The following VSIG1 variants were observed in gnomAD, a reference collection of about 807,000 sequenced individuals.
VSIG1 encodes V-set and immunoglobulin domain-containing protein 1.
A neutral mutation model predicts 20.1 loss-of-function variants in VSIG1; 11 were observed. The observed-to-expected ratio is 0.55, with a 90% CI of 0.34 to 0.91. VSIG1 has a LOEUF of 0.91. VSIG1 is among the 40% of genes least tolerant of loss of function. The pLI is 0.02. For synonymous variants in VSIG1, 126 were observed against 116.7 expected, an observed-to-expected ratio of 1.08 and a Z score of -0.52; for missense variants, 283 against 298.8, an observed-to-expected ratio of 0.95 and a Z score of 0.39.
Position 108,054,205 on chromosome X carries a change from T to A in VSIG1, c.50-3833T>A, listed in dbSNP as rs755841219. On this transcript the variant is annotated intron_variant, in intron 1 of 6. Transcript: ENST00000217957. ...CATTACCTAATGATAAATGGATCAA[T>A]CCAGCAGGAGGATACAATGATCCTT... is the stretch of plus-strand genomic sequence containing the variant. Among the ~76,000 whole-genome samples the A allele has an allele frequency of 7.1e-5, 8 of 111,889 alleles. No individual in the cohort carries two copies. The South Asian group carries it at 3.0e-3, about 42-fold the overall frequency.
chrX:108,073,477 G>T, intron 5 of VSIG1, 108 bp downstream of exon 5: 1 of 955,624 alleles, frequency 1.0e-6, no homozygotes. Flanking sequence ...TGCTTCTCTG[G>T]AGATTTGTGT....
At chrX:108,069,634 C>T (rs1221050455) in intron 3 of VSIG1, among the ~76,000 whole-genome samples, 1 of 111,376 alleles carries the variant, frequency 9.0e-6, no homozygotes, top group African/African-American at 3.3e-5. Flanking sequence ...TTTTGTTACC[C>T]AGCAGTGAGC....
intron 1 of VSIG1, 147 bp downstream of exon 1, chrX:108,045,326 G>T: frequency 2.4e-6 from 1 of 417,775 alleles, no homozygotes; most frequent in Non-Finnish European, 3.9e-6. Context: ...CAGAACTCTT[G>T]CTTAGCAAAC....
chrX:108,044,292 A>G (rs2030525912), upstream of VSIG1, among the ~76,000 whole-genome samples: 1 of 111,805 alleles, frequency 8.9e-6, no homozygotes, highest in African/African-American at 3.3e-5. Flanking sequence ...TCATGTTCCC[A>G]TGAAAGTTCC....
chrX:108,025,663 A>C, the VSIG1 span, among the ~76,000 whole-genome samples: 2 of 112,927 alleles, frequency 1.8e-5, no homozygotes, highest in Non-Finnish European at 1.9e-5. Context: ...AATAATGTAC[A>C]TATTCACTTA....
At chrX:108,072,170 CT>C (rs2031261024) in intron 3 of VSIG1, among the ~76,000 whole-genome samples, 1 of 110,231 alleles carries the variant, frequency 9.1e-6, no homozygotes, top group East Asian at 2.9e-4. Flanking sequence ...TTAATGGCCT[CT>C]TGACTAGAAG....
the VSIG1 span, among the ~76,000 whole-genome samples, chrX:108,020,105 A>G: frequency 8.9e-6 from 1 of 112,311 alleles, no homozygotes; most frequent in Admixed American, 9.4e-5. Flanking sequence ...GGTTTTTCCT[A>G]GTGGAGGAGG....
intron 5 of VSIG1, among the ~76,000 whole-genome samples, chrX:108,075,339 G>A (rs906269119): frequency 8.9e-6 from 1 of 112,150 alleles, no homozygotes; most frequent in South Asian, 3.7e-4. Flanking sequence ...GGAAGGAGTC[G>A]GGCAGGGAAC....
intron 1 of VSIG1, among the ~76,000 whole-genome samples, chrX:108,050,101 G>A (rs2030751254): frequency 8.9e-6 from 1 of 112,530 alleles, no homozygotes; most frequent in African/African-American, 3.2e-5. Flanking sequence ...TGGACCAGGT[G>A]ACCTGGCTGT....
At chrX:108,026,869 G>A in the VSIG1 span, among the ~76,000 whole-genome samples, 5 of 111,547 alleles carry the variant, frequency 4.5e-5, no homozygotes, top group Non-Finnish European at 9.4e-5. Context: ...AACTAGCTGC[G>A]TTAAGATTAT....
chrX:108,025,891 A>T, the VSIG1 span, among the ~76,000 whole-genome samples: 1 of 112,281 alleles, frequency 8.9e-6, no homozygotes, highest in Non-Finnish European at 1.9e-5. Context: ...TACATATTCA[A>T]ATCCTTGCGA....
chrX:108,050,816 G>A (rs915836150), intron 1 of VSIG1, among the ~76,000 whole-genome samples: 1 of 111,657 alleles, frequency 9.0e-6, no homozygotes, highest in Non-Finnish European at 1.9e-5. Context: ...TCCCTGCTAA[G>A]CACAAGTATA....
In VSIG1 at chrX:108,058,192, G is replaced by A; in HGVS notation, c.204G>A (p.Glu68=). ...QWSFFHKKEM[E]PISIYFSQGG... is the part of the protein sequence containing the mutation. ...CTTTCTTCCATAAGAAGGAGATGGA[G>A]CCAATTTCTGTAAGGACACTTTTTC... The change falls in exon 2 of 7, where the codon GAG becomes GAA. Residue 68 remains glutamate, a synonymous_variant. Transcript: ENST00000217957. 1 of 1,204,359 alleles carries A rather than the reference G, an allele frequency of 8.3e-7. No homozygotes were observed. The highest frequency in any genetic ancestry group is 3.0e-5 in the East Asian group (1 of 33,448).
At chrX:108,068,125 T>C (rs971123023) in intron 3 of VSIG1, among the ~76,000 whole-genome samples, 1 of 112,266 alleles carries the variant, frequency 8.9e-6, no homozygotes, top group Non-Finnish European at 1.9e-5. Context: ...ACAGTTGTCC[T>C]GGCTTGCCAC....
chrX:108,020,864 A>G, the VSIG1 span, among the ~76,000 whole-genome samples: 2 of 111,317 alleles, frequency 1.8e-5, no homozygotes, highest in African/African-American at 6.5e-5. Context: ...ATGCCTGGAG[A>G]TCTGTGGAAT....
the VSIG1 span, among the ~76,000 whole-genome samples, chrX:108,033,718 C>T: frequency 2.7e-5 from 3 of 110,344 alleles, no homozygotes; most frequent in African/African-American, 9.9e-5. Flanking sequence ...GGGAATGATA[C>T]GAGCTGAGAC....
chrX:108,048,822 A>G (rs769780989), intron 1 of VSIG1, among the ~76,000 whole-genome samples: 2 of 112,407 alleles, frequency 1.8e-5, no homozygotes, highest in African/African-American at 6.5e-5. Flanking sequence ...TGATAATTCT[A>G]TTTGGGCTAC....
chrX:108,044,584 G>T (rs754553629), upstream of VSIG1, among the ~76,000 whole-genome samples: 2 of 111,755 alleles, frequency 1.8e-5, no homozygotes, highest in East Asian at 5.6e-4. Flanking sequence ...TCCAGAGTTT[G>T]TTCACACAGA....
At chrX:108,063,637 C>T (rs933652797) in intron 2 of VSIG1, among the ~76,000 whole-genome samples, 2 of 111,313 alleles carry the variant, frequency 1.8e-5, no homozygotes, top group African/African-American at 3.3e-5. Flanking sequence ...CAATATCCAT[C>T]GGGCTCCTGA....
Sources: gnomAD v4.1 joint callset for allele counts (sites outside exome capture counted in the v4.1 genomes callset) on GRCh38, gnomAD v4.1.1 for gene constraint, MANE v1.5 for transcripts, NCBI Gene and HGNC (gene_info 2026-07-23, HGNC 2026-07-21) for gene names.